The following REDIC1 variants were observed in gnomAD, a reference collection of about 807,000 sequenced individuals.
The protein encoded by REDIC1 is HEI10 Interacting Protein 1.
the REDIC1 span, among the ~76,000 whole-genome samples, chr12:39,658,781 C>T: frequency 6.6e-6 from 1 of 152,068 alleles, no homozygotes; most frequent in East Asian, 1.9e-4. Flanking sequence ...TAATGTATCA[C>T]AGATTATCTT....
chr12:39,740,666 A>C, the REDIC1 span, among the ~76,000 whole-genome samples: 1 of 152,202 alleles, frequency 6.6e-6, no homozygotes, highest in African/African-American at 2.4e-5. Context: ...GCTATAGTTA[A>C]AGAAGGAATA....
At chr12:39,670,372 G>A in the REDIC1 span, among the ~76,000 whole-genome samples, 1 of 152,054 alleles carries the variant, frequency 6.6e-6, no homozygotes, top group South Asian at 2.1e-4. Flanking sequence ...TGTATTTTTA[G>A]TTCCGATGGA....
At chr12:39,687,402 C>T in the REDIC1 span, among the ~76,000 whole-genome samples, 1 of 152,104 alleles carries the variant, frequency 6.6e-6, no homozygotes, top group Admixed American at 6.6e-5. Flanking sequence ...CTGGGGAAGC[C>T]TCAGGAAATT....
the REDIC1 span, among the ~76,000 whole-genome samples, chr12:39,633,719 A>G: frequency 6.6e-5 from 10 of 152,182 alleles, no homozygotes; most frequent in Non-Finnish European, 1.0e-4. Context: ...GATGATAGGA[A>G]GGTTTCAGCA....
chr12:39,731,906 A>AT, the REDIC1 span, among the ~76,000 whole-genome samples: 15 of 151,286 alleles, frequency 9.9e-5, no homozygotes, highest in Admixed American at 9.9e-4. Context: ...AAAAGAAATG[A>AT]TAGCTTAGAG....
At chr12:39,864,215 C>A in the REDIC1 span, among the ~76,000 whole-genome samples, 1 of 152,244 alleles carries the variant, frequency 6.6e-6, no homozygotes, top group African/African-American at 2.4e-5. Flanking sequence ...CTTAGGCCTG[C>A]AGCTAGCCAT....
At chr12:39,742,870 T>C in the REDIC1 span, among the ~76,000 whole-genome samples, 1 of 152,080 alleles carries the variant, frequency 6.6e-6, no homozygotes, top group Non-Finnish European at 1.5e-5. Flanking sequence ...AGAATTACTA[T>C]TTACCAGAGC....
At chr12:39,887,069 CTG>C in the REDIC1 span, among the ~76,000 whole-genome samples, 1 of 152,106 alleles carries the variant, frequency 6.6e-6, no homozygotes, top group Non-Finnish European at 1.5e-5. Flanking sequence ...AAAAAAGAGA[CTG>C]TTATGGAAAT....
At chr12:39,748,810 T>G in the REDIC1 span, among the ~76,000 whole-genome samples, 2,789 of 152,334 alleles carry the variant, frequency 0.018, 42 homozygotes, top group Non-Finnish European at 0.028. Context: ...ACCCTGCTCC[T>G]GAATGACTAC....
At chr12:39,719,141 G>A in the REDIC1 span, among the ~76,000 whole-genome samples, 2 of 152,038 alleles carry the variant, frequency 1.3e-5, no homozygotes, top group Admixed American at 6.6e-5. Context: ...TGCAAATGAG[G>A]CCTTAGAAAG....
At chr12:39,870,701 A>G in the REDIC1 span, among the ~76,000 whole-genome samples, 1 of 152,156 alleles carries the variant, frequency 6.6e-6, no homozygotes, top group African/African-American at 2.4e-5. Context: ...CCTTAATCAG[A>G]CAATCTCTCA....
At chr12:39,652,268 A>G in the REDIC1 span, among the ~76,000 whole-genome samples, 10 of 152,058 alleles carry the variant, frequency 6.6e-5, no homozygotes, top group Admixed American at 5.9e-4. Flanking sequence ...AAGTGGAATG[A>G]CTGGATCATT....
At chr12:39,871,330 T>C in the REDIC1 span, among the ~76,000 whole-genome samples, 1 of 152,186 alleles carries the variant, frequency 6.6e-6, no homozygotes, top group Non-Finnish European at 1.5e-5. Context: ...AGTTTGTCCC[T>C]GCTTTGTGAA....
At chr12:39,889,814 G>C in the REDIC1 span, among the ~76,000 whole-genome samples, 4 of 152,076 alleles carry the variant, frequency 2.6e-5, no homozygotes, top group Admixed American at 2.6e-4. Context: ...ACAGGTGTGA[G>C]CCACCAGGCC....
the REDIC1 span, among the ~76,000 whole-genome samples, chr12:39,781,857 GA>G: frequency 5.3e-5 from 8 of 152,326 alleles, no homozygotes; most frequent in Non-Finnish European, 2.9e-5. Context: ...TACCCTGGAG[GA>G]AGGGATTTAG....
At chr12:39,865,713 C>A in the REDIC1 span, among the ~76,000 whole-genome samples, 1 of 152,166 alleles carries the variant, frequency 6.6e-6, no homozygotes, top group Non-Finnish European at 1.5e-5. Context: ...AGAATGAGAT[C>A]ATGTCCTTTG....
chr12:39,704,710 G>A, the REDIC1 span, among the ~76,000 whole-genome samples: 4 of 152,130 alleles, frequency 2.6e-5, no homozygotes, highest in South Asian at 8.3e-4. Context: ...AAGAAAATGT[G>A]GCACATATAG....
chr12:39,670,667 T>C, the REDIC1 span, among the ~76,000 whole-genome samples: 2 of 152,290 alleles, frequency 1.3e-5, no homozygotes. Flanking sequence ...TTTCTTCACC[T>C]TTCGGGATAC....
the REDIC1 span, among the ~76,000 whole-genome samples, chr12:39,714,779 C>A: frequency 2.4e-3 from 371 of 151,952 alleles, 1 homozygote; most frequent in African/African-American, 8.1e-3. Context: ...GGTGGTATCA[C>A]ATTGTGGTTT....
Sources: allele counts gnomAD v4.1 joint callset (sites outside exome capture counted in the v4.1 genomes callset), GRCh38; gene constraint gnomAD v4.1.1; transcripts MANE v1.5; gene names NCBI Gene and HGNC (gene_info 2026-07-23, HGNC 2026-07-21).